ADGRL3: variants seen among roughly 807,000 people sequenced by gnomAD.
The protein encoded by ADGRL3 is adhesion G protein-coupled receptor L3.
ADGRL3 carries 62 observed loss-of-function variants against 153.5 expected under a neutral mutation model. The observed-to-expected ratio is 0.40, with a 90% CI of 0.33 to 0.50. ADGRL3 has a LOEUF of 0.50. Among genes scored for constraint, ADGRL3 ranks in the 20% least tolerant of loss-of-function variants. ADGRL3 has a pLI of 0.47. For missense variants in ADGRL3, 1,641 were observed against 1,859.4 expected (o/e 0.88, Z 2.16); for synonymous variants, 710 against 672.5 (o/e 1.06, Z -0.86).
At chr4:61,416,313 T>A (rs868630560) in intron 2 of ADGRL3, among the ~76,000 whole-genome samples, 1 of 150,494 alleles carries the variant, frequency 6.6e-6, no homozygotes, top group Non-Finnish European at 1.5e-5. Flanking sequence ...TATTTTAATA[T>A]TTCTATGCCT....
chr4:61,351,294 T>C (rs1227273853), intron 1 of ADGRL3, among the ~76,000 whole-genome samples: 1 of 152,194 alleles, frequency 6.6e-6, no homozygotes, highest in African/African-American at 2.4e-5. Context: ...TAGCAGATAA[T>C]GGTTCATGTG....
intron 2 of ADGRL3, among the ~76,000 whole-genome samples, chr4:61,412,017 C>T (rs2097093602): frequency 1.3e-5 from 2 of 152,170 alleles, no homozygotes; most frequent in African/African-American, 4.8e-5. Context: ...GATATTACAT[C>T]ATTGCTCACA....
intron 6 of ADGRL3, among the ~76,000 whole-genome samples, chr4:61,722,307 T>C (rs2096256267): frequency 6.6e-6 from 1 of 152,192 alleles, no homozygotes; most frequent in Non-Finnish European, 1.5e-5. Context: ...TCTTGAAATC[T>C]TGTGAATTAA....
intron 4 of ADGRL3, among the ~76,000 whole-genome samples, chr4:61,550,803 G>A (rs2098736891): frequency 6.6e-6 from 1 of 151,924 alleles, no homozygotes; most frequent in Admixed American, 6.6e-5. Context: ...GGAGAGGCTG[G>A]CTAAGGCTTA....
At chr4:61,537,034 C>T (rs546585808) in intron 4 of ADGRL3, among the ~76,000 whole-genome samples, 5 of 151,962 alleles carry the variant, frequency 3.3e-5, no homozygotes, top group Non-Finnish European at 7.4e-5. Context: ...TTTATTTCCA[C>T]GTTTAGAACT....
intron 19 of ADGRL3, among the ~76,000 whole-genome samples, chr4:61,991,653 A>G (rs927032634): frequency 6.6e-6 from 1 of 151,946 alleles, no homozygotes; most frequent in Non-Finnish European, 1.5e-5. Flanking sequence ...AACCTTTTTT[A>G]AAAATTCATG....
intron 5 of ADGRL3, among the ~76,000 whole-genome samples, chr4:61,651,279 A>G (rs906837588): frequency 1.3e-5 from 2 of 152,182 alleles, no homozygotes; most frequent in East Asian, 1.9e-4. Flanking sequence ...GGATAAGAAA[A>G]GCGAATAAAG....
At chr4:61,958,302 A>G (rs1203762282) in intron 17 of ADGRL3, among the ~76,000 whole-genome samples, 1 of 152,110 alleles carries the variant, frequency 6.6e-6, no homozygotes, top group Non-Finnish European at 1.5e-5. Flanking sequence ...ACATATCCAA[A>G]AAGTGTCTTG....
At chr4:61,860,790 C>T (rs1047662997) in intron 9 of ADGRL3, among the ~76,000 whole-genome samples, 3 of 152,106 alleles carry the variant, frequency 2.0e-5, no homozygotes, top group Admixed American at 6.6e-5. Flanking sequence ...ATTTAATGAT[C>T]ATCATAATAT....
chr4:61,476,722 A>C (rs1162970095), intron 2 of ADGRL3, among the ~76,000 whole-genome samples: 1 of 148,180 alleles, frequency 6.7e-6, no homozygotes, highest in East Asian at 2.0e-4. Flanking sequence ...AAAAAAAAAA[A>C]AAAAAAAAAA....
Position 61,874,787 on chromosome 4 carries a change from CTCT to C in ADGRL3, c.1481-17867_1481-17865del, listed in dbSNP as rs1405680479. Among the ~76,000 whole-genome samples, 275 of 88,612 alleles carry C rather than the reference CTCT, an allele frequency of 3.1e-3. 68 individuals are homozygous for C. In the East Asian group the frequency reaches 0.079, roughly 25 times the overall value. The allele number at this position is 88,612 out of a possible 152,430, so 58.1% of individuals were successfully genotyped here. ...AAATATTTTCAACGACATCAAAATG[CTCT>C]TTTTTTTTTTTTTTTTTTTTTTTTT... is the stretch of plus-strand genomic sequence containing the variant. On this transcript the variant is annotated intron_variant, in intron 9 of 26. Transcript: ENST00000683033.
chr4:61,440,152 G>C (rs1469778014), intron 2 of ADGRL3, among the ~76,000 whole-genome samples: 1 of 151,966 alleles, frequency 6.6e-6, no homozygotes, highest in Non-Finnish European at 1.5e-5. Context: ...AGGTTCAAGC[G>C]ATTCTCCCAT....
intron 4 of ADGRL3, among the ~76,000 whole-genome samples, chr4:61,519,932 T>C (rs912777908): frequency 6.6e-6 from 1 of 152,214 alleles, no homozygotes; most frequent in African/African-American, 2.4e-5. Context: ...TAAAAATATA[T>C]TAACCTCTGT....
In ADGRL3 at chr4:61,808,456, C is replaced by G. The variant is rs548451506; in HGVS notation, c.1400-5353C>G. On this transcript the variant is annotated intron_variant, in intron 8 of 26. Coordinates refer to ENST00000683033, the MANE Select transcript of ADGRL3 (RefSeq NM_001387552.1). ...ATAGTTGTTTCTCTGCTACCTCATACTTCACTAAATTCACTGCAAATGTGT... is the reference window on the plus strand; with the variant it reads ...ATAGTTGTTTCTCTGCTACCTCATAGTTCACTAAATTCACTGCAAATGTGT... 1.6e-3 allele frequency among the ~76,000 whole-genome samples: 248 copies of G among 152,202 alleles called. 2 individuals carry two copies. Among genetic ancestry groups the G allele is most frequent in the Non-Finnish European group, 4.3e-4 (29 of 68,008 alleles).
intron 1 of ADGRL3, among the ~76,000 whole-genome samples, chr4:61,203,682 A>G (rs143326519): frequency 1.4e-3 from 218 of 152,326 alleles, no homozygotes; most frequent in Admixed American, 3.5e-3. Flanking sequence ...ACTTTCCTAT[A>G]TTTCCCTATG....
chr4:61,498,837 T>A (rs780768008), intron 3 of ADGRL3, among the ~76,000 whole-genome samples: 41 of 152,132 alleles, frequency 2.7e-4, no homozygotes, highest in Non-Finnish European at 5.0e-4. Context: ...ACCTGGTAAA[T>A]TAAAGTCTAT....
chr4:61,887,393 A>G (rs1209246273), intron 9 of ADGRL3, among the ~76,000 whole-genome samples: 1 of 152,180 alleles, frequency 6.6e-6, no homozygotes, highest in Non-Finnish European at 1.5e-5. Context: ...AACATGGAAT[A>G]TGGAGTCAGA....
At chr4:61,728,289 A>G (rs2096382914) in intron 6 of ADGRL3, among the ~76,000 whole-genome samples, 1 of 152,066 alleles carries the variant, frequency 6.6e-6, no homozygotes, top group Admixed American at 6.6e-5. Context: ...CCAGCAATCA[A>G]CAGAGGCAAG....
chr4:61,968,999 C>A (rs556343572), intron 17 of ADGRL3, among the ~76,000 whole-genome samples: 8 of 152,196 alleles, frequency 5.3e-5, no homozygotes, highest in African/African-American at 1.9e-4. Context: ...CTAGAGGGAA[C>A]ATGGTTTTGC....
Sources: gnomAD v4.1 joint callset for allele counts (sites outside exome capture counted in the v4.1 genomes callset) on GRCh38, gnomAD v4.1.1 for gene constraint, MANE v1.5 for transcripts, NCBI Gene and HGNC (gene_info 2026-07-23, HGNC 2026-07-21) for gene names.